The following PRPF39 variants were observed in gnomAD, a reference collection of about 807,000 sequenced individuals.
The protein encoded by PRPF39 is pre-mRNA processing factor 39.
In PRPF39, 27 loss-of-function variants were observed where a neutral mutation model predicts 82.1. The observed-to-expected ratio is 0.33, with a 90% CI of 0.24 to 0.45. PRPF39 has a LOEUF of 0.45. Ranked by LOEUF, PRPF39 falls within the 20% of genes least tolerant of loss-of-function variation. PRPF39 has a pLI of 1.00. For missense variants in PRPF39, 581 were observed against 796.9 expected (o/e 0.73, Z 3.26); for synonymous variants, 261 against 256.4 (o/e 1.02, Z -0.17).
rs145679156 is a variant in PRPF39 at position 45,093,460 on chromosome 14, G to A, written c.-19-1761G>A. On this transcript the variant is annotated intron_variant, in intron 1 of 13. Transcript: ENST00000355765. Reference sequence around the variant, plus strand: ...GCTGGTCTTGAACTCCTGACCTCAGGTGGTCTACCCTCCTCGGCCTCCCAA... The same window carrying A: ...GCTGGTCTTGAACTCCTGACCTCAGATGGTCTACCCTCCTCGGCCTCCCAA... Among the ~76,000 whole-genome samples the A allele has an allele frequency of 1.5e-3, 229 of 152,134 alleles. 1 individual carries two copies. The highest frequency in any genetic ancestry group is 2.6e-3 in the Non-Finnish European group (179 of 67,982).
chr14:45,097,070 A>G, intron 4 of PRPF39, 65 bp downstream of exon 4: 7 of 1,450,846 alleles, frequency 4.8e-6, no homozygotes, highest in Non-Finnish European at 6.3e-6. Context: ...TGTTGATAAT[A>G]GAGCTCATGA....
chr14:45,089,787 A>G (rs1883963126), intron 1 of PRPF39, among the ~76,000 whole-genome samples: 1 of 152,238 alleles, frequency 6.6e-6, no homozygotes, highest in Non-Finnish European at 1.5e-5. Context: ...GTTGTTGTTA[A>G]GAATAAACTG....
At chr14:45,093,634 TAC>T (rs1430050266) in intron 1 of PRPF39, among the ~76,000 whole-genome samples, 1 of 151,018 alleles carries the variant, frequency 6.6e-6, no homozygotes, top group African/African-American at 2.4e-5. Flanking sequence ...CGGCTCACTG[TAC>T]CCTCCTCCTC....
At chr14:45,107,416 A>T (rs530195256) in intron 5 of PRPF39, 35 bp from the exon 6 acceptor site, 3 of 1,417,452 alleles carry the variant, frequency 2.1e-6, no homozygotes, top group Admixed American at 2.1e-5. Flanking sequence ...TAAAATTATG[A>T]TTCAAATACA....
chr14:45,110,408 T>C lies in PRPF39; in HGVS notation c.1304-141T>C, dbSNP rs1439310503. On this transcript the variant is annotated intron_variant, in intron 9 of 13. Transcript: ENST00000355765. The surrounding 1 kb of genome is among the most constrained non-coding windows in gnomAD (Gnocchi z 4.0). ...AGCCATTGTAGCCCCGAAACAGCCA[T>C]AGGCAGTGTGTAAATATGCATGGCT... The C allele has an allele frequency of 1.7e-5, 20 of 1,201,714 alleles. No individual in the cohort carries two copies. In the East Asian group the frequency reaches 5.1e-4, roughly 31 times the overall value. 74.4% of individuals were successfully genotyped at this position (1,201,714 alleles called of 1,614,324 possible).
intron 7 of PRPF39, 26 bp from the exon 8 acceptor site, chr14:45,109,590 A>G (rs757672929): frequency 6.3e-7 from 1 of 1,577,936 alleles, no homozygotes; most frequent in South Asian, 1.1e-5. Flanking sequence ...GTTTACTTTC[A>G]TTGGCATGTT....
At position 45,108,542 on chromosome 14, in the gene PRPF39, AAT is replaced by A. The variant is rs1491556701; in HGVS notation, c.1011+22_1011+23del. The A allele has an allele frequency of 6.4e-7, 1 of 1,572,170 alleles. No individual in the cohort carries two copies. Among genetic ancestry groups the A allele is most frequent in the South Asian group, 1.2e-5 (1 of 82,190 alleles). On this transcript the variant is annotated intron_variant, in intron 7 of 13. Coordinates refer to ENST00000355765, the MANE Select transcript of PRPF39 (RefSeq NM_017922.4). ...GAAGGTGTAAGTGTTTTTGTTTTGT[AAT>A]AGTCTTTAAAATACAAAGTAGGAAT...
chr14:45,091,900 T>C (rs376597332), intron 1 of PRPF39, among the ~76,000 whole-genome samples: 3 of 152,222 alleles, frequency 2.0e-5, no homozygotes, highest in South Asian at 2.1e-4. Context: ...GATAGTAGTT[T>C]AAACAAATAG....
rs377089336 is a variant in PRPF39, at chr14:45,110,070, G to C, written c.1177-24G>C. 11 of 1,610,742 alleles carry C rather than the reference G, an allele frequency of 6.8e-6. No individual in the cohort carries two copies. The highest frequency in any genetic ancestry group is 1.1e-5 in the South Asian group (1 of 90,448). On this transcript the variant is annotated intron_variant, in intron 8 of 13. Transcript: ENST00000355765. The surrounding 1 kb of genome is among the most constrained non-coding windows in gnomAD (Gnocchi z 4.0). ...GGCTTGTTCAACTGTAAATTATTCA[G>C]TATTTCCTCTTTTCTGTATGTAGTA...
In PRPF39 at chr14:45,110,781, A is replaced by C. The variant is rs751346648; in HGVS notation, c.1536A>C (p.Ser512=). 2.1e-5 allele frequency: 33 copies of C among 1,553,480 alleles called. No homozygotes were observed. The highest frequency in any genetic ancestry group is 2.9e-5 in the Non-Finnish European group (33 of 1,147,826). The change falls in exon 10 of 14, where the codon TCA becomes TCC. Residue 512 remains serine, a synonymous_variant. Coordinates refer to ENST00000355765, the MANE Select transcript of PRPF39 (RefSeq NM_017922.4). This position sits in a 1 kb window ranked among gnomAD's most constrained non-coding sequence, Gnocchi z 4.0. ...AAATACAGAAAAACCTTCCAAAATCAAGAAAGGTGCTTTTGGAAGCAATCG... is the reference window on the plus strand; with the variant it reads ...AAATACAGAAAAACCTTCCAAAATCCAGAAAGGTGCTTTTGGAAGCAATCG... ...LFKIQKNLPK[S]RKVLLEAIER... is the part of the protein sequence containing the mutation.
chr14:45,101,664 C>T (rs1884379090), intron 4 of PRPF39, among the ~76,000 whole-genome samples: 1 of 151,982 alleles, frequency 6.6e-6, no homozygotes, highest in Non-Finnish European at 1.5e-5. Context: ...TGGGGTTTCG[C>T]CGTGTTGGCA....
At chr14:45,092,688 T>TA (rs1447182256) in intron 1 of PRPF39, among the ~76,000 whole-genome samples, 1 of 152,054 alleles carries the variant, frequency 6.6e-6, no homozygotes, top group Admixed American at 6.6e-5. Flanking sequence ...CTCCAGAGTT[T>TA]ACCCACAAAC....
At chr14:45,087,879 G>A (rs1883892992) in intron 1 of PRPF39, among the ~76,000 whole-genome samples, 1 of 151,742 alleles carries the variant, frequency 6.6e-6, no homozygotes, top group Non-Finnish European at 1.5e-5. Context: ...GAGCCACTGC[G>A]CCCGGCCTCA....
At chr14:45,111,819 G>A (rs998806245) in intron 10 of PRPF39, among the ~76,000 whole-genome samples, 1 of 150,870 alleles carries the variant, frequency 6.6e-6, no homozygotes, top group South Asian at 2.1e-4. Context: ...TGTATTTTTA[G>A]TAGAGATGGG....
rs575805497 is a variant in PRPF39, at chr14:45,114,687, A to T, written c.1953+73A>T. 2.3e-4 allele frequency: 346 copies of T among 1,515,518 alleles called. No individual in the cohort carries two copies. The highest frequency in any genetic ancestry group is 1.7e-3 in the East Asian group (76 of 43,998). 93.9% of individuals were successfully genotyped at this position (1,515,518 alleles called of 1,614,324 possible). On this transcript the variant is annotated intron_variant, in intron 13 of 13. Transcript: ENST00000355765. Reference sequence around the variant, plus strand: ...AAATTAGGATAGTTTCTTTTTTTTTAAAAAAAGTTTTTGTTCCAATTGTGT... The same window carrying T: ...AAATTAGGATAGTTTCTTTTTTTTTTAAAAAAGTTTTTGTTCCAATTGTGT...
At chr14:45,086,846 GTTTTT>G (rs57666854) in intron 1 of PRPF39, among the ~76,000 whole-genome samples, 4 of 118,464 alleles carry the variant, frequency 3.4e-5, no homozygotes, top group Non-Finnish European at 3.6e-5. Context: ...GTGTTTCTCA[GTTTTT>G]TTTTTTTTTT....
intron 1 of PRPF39, among the ~76,000 whole-genome samples, chr14:45,094,190 A>G (rs1884128684): frequency 6.6e-6 from 1 of 152,102 alleles, no homozygotes; most frequent in African/African-American, 2.4e-5. Context: ...AATTTTGAGA[A>G]TAATTCCTCA....
At chr14:45,114,792 A>G in intron 13 of PRPF39, 65 bp from the exon 14 acceptor site, 1 of 1,443,338 alleles carries the variant, frequency 6.9e-7, no homozygotes, top group Non-Finnish European at 9.6e-7. Context: ...TGCTTTAATT[A>G]TACTTTTACA....
intron 4 of PRPF39, among the ~76,000 whole-genome samples, chr14:45,101,810 T>TG (rs1491421302): frequency 5.0e-5 from 7 of 140,918 alleles, no homozygotes; most frequent in Non-Finnish European, 1.1e-4. Context: ...ATATGTATAC[T>TG]TTTTTTTTTT....
Sources: allele counts gnomAD v4.1 joint callset (sites outside exome capture counted in the v4.1 genomes callset), GRCh38; gene constraint gnomAD v4.1.1; non-coding constraint Gnocchi (gnomAD v3.1); transcripts MANE v1.5; gene names NCBI Gene and HGNC (gene_info 2026-07-23, HGNC 2026-07-21).